EXOSC10: variants seen among roughly 807,000 people sequenced by gnomAD.
EXOSC10 encodes the protein exosome complex component 10.
Under a neutral mutation model 126.6 loss-of-function variants are expected in EXOSC10, and 94 were observed. That is an observed-to-expected ratio of 0.74 (90% CI 0.63 to 0.88). The LOEUF is 0.88. EXOSC10 is among the 40% of genes least tolerant of loss of function. The pLI, the probability that EXOSC10 is intolerant of heterozygous loss-of-function variation, is 0.00. For missense variants in EXOSC10, 1,041 were observed against 1,100.5 expected (o/e 0.95, Z 0.77); for synonymous variants, 395 against 400.8 (o/e 0.99, Z 0.17).
At chr1:11,078,041 G>A (rs1232722715) in intron 14 of EXOSC10, among the ~76,000 whole-genome samples, 1 of 152,130 alleles carries the variant, frequency 6.6e-6, no homozygotes, top group Non-Finnish European at 1.5e-5. Flanking sequence ...GGGAGGCTGA[G>A]GTGGGAGGAC....
chr1:11,094,295 CT>C lies in EXOSC10; in HGVS notation c.372+1462del, dbSNP rs148618446. On this transcript the variant is annotated intron_variant, in intron 3 of 24. Transcript: ENST00000376936. Reference sequence around the variant, plus strand: ...CCCTGGCCAGAATAAGGCACTTTAACTTTTTTTTTTTTTTTTGAGATGGCGT... The same window carrying C: ...CCCTGGCCAGAATAAGGCACTTTAACTTTTTTTTTTTTTTTGAGATGGCGT... 5.0e-3 allele frequency among the ~76,000 whole-genome samples: 706 copies of C among 139,956 alleles called. 2 individuals carry two copies. Among genetic ancestry groups the C allele is most frequent in the African/African-American group, 0.01 (394 of 38,364 alleles). The allele number at this position is 139,956 out of a possible 152,430, so 91.8% of individuals were successfully genotyped here.
At chr1:11,070,687 C>A (rs1203876302) in intron 21 of EXOSC10, 1 of 549,878 alleles carries the variant, frequency 1.8e-6, no homozygotes, top group Admixed American at 3.4e-5. Flanking sequence ...TTACCATAAA[C>A]ACAGTGGAAG....
Position 11,074,125 on chromosome 1 carries a change from A to C in EXOSC10, c.2082+106T>G, listed in dbSNP as rs573374278. 21 of 1,372,298 alleles carry C rather than the reference A, an allele frequency of 1.5e-5. No homozygotes were observed. The East Asian group carries it at 4.8e-4, about 31-fold the overall frequency. The allele number at this position is 1,372,298 out of a possible 1,614,324, so 85.0% of individuals were successfully genotyped here. The stretch of plus-strand genomic sequence containing the variant: ...TTGTCAGCGTCTTTGCCAGGACACC[A>C]GGGCAGCCGACACACTGGCTTCAGA... On this transcript the variant is annotated intron_variant, in intron 18 of 24. Transcript: ENST00000376936.
rs950948952 is a variant in EXOSC10 at position 11,070,838 on chromosome 1, G to T, written c.2316+62C>A. The T allele has an allele frequency of 2.8e-6, 4 of 1,443,020 alleles. No individual in the cohort carries two copies. In the Admixed American group the frequency reaches 5.3e-5, roughly 19 times the overall value. The allele number at this position is 1,443,020 out of a possible 1,614,324, so 89.4% of individuals were successfully genotyped here. A position where few individuals can be genotyped will look rare whatever the true frequency, so the allele number is the denominator to read the frequency against. ...CAAGCCCCCTAAGATATCCAAGGAA[G>T]ATCCTGACCACAAGCAGGGGCATCG... is the stretch of plus-strand genomic sequence containing the variant. On this transcript the variant is annotated intron_variant, in intron 21 of 24. Coordinates refer to ENST00000376936, the MANE Select transcript of EXOSC10 (RefSeq NM_001001998.3).
At position 11,099,779 on chromosome 1, in the gene EXOSC10, G is replaced by T; in HGVS notation, c.53C>A (p.Thr18Asn). ...CAGCACCATCTCTCCGTCGGATTTG[G>T]TTGCGCTGGTCGCCGACAGGACCCT... ...EPRVLSATSA[T>N]KSDGEMVLPG... Residue 18 changes from threonine (T) to asparagine (N), a missense_variant, in exon 1 of 25, where the codon ACC (threonine) becomes AAC (asparagine). Thr to Asn is a moderately conservative substitution (Grantham distance 65, BLOSUM62 0). This residue lies in a region of EXOSC10 where 645 missense variants were observed against 656.3 expected (regional missense o/e 0.98). Transcript: ENST00000376936. 1.9e-6 allele frequency: 3 copies of T among 1,612,286 alleles called. No individual in the cohort carries two copies. The highest frequency in any genetic ancestry group is 2.5e-6 in the Non-Finnish European group (3 of 1,179,172).
At chr1:11,080,588 ACACACACACACACACACG>A (rs1243286317) in intron 12 of EXOSC10, 39 bp from the exon 13 acceptor site, 10 of 1,603,274 alleles carry the variant, frequency 6.2e-6, no homozygotes, top group East Asian at 4.5e-5. Flanking sequence ...ACACACACAC[ACACACACACACACACACG>A]GTGGGGACAC....
chr1:11,077,335 C>T (rs372812090), intron 16 of EXOSC10, 30 bp downstream of exon 16: 55 of 1,596,200 alleles, frequency 3.4e-5, no homozygotes, highest in African/African-American at 3.1e-4. Context: ...CCAACCTCTT[C>T]GGGACAGTCA....
chr1:11,099,635 G>A, intron 1 of EXOSC10, 86 bp downstream of exon 1: 3 of 1,375,414 alleles, frequency 2.2e-6, no homozygotes, highest in Non-Finnish European at 1.9e-6. Flanking sequence ...CCACTACGGC[G>A]GGCGGGCATT....
intron 19 of EXOSC10, chr1:11,072,390 G>A (rs1233072050): frequency 4.2e-6 from 2 of 479,472 alleles, no homozygotes; most frequent in African/African-American, 3.9e-5. Flanking sequence ...CAGGCACTGG[G>A]CCATCCATCA....
intron 2 of EXOSC10, among the ~76,000 whole-genome samples, chr1:11,096,227 G>A (rs950161109): frequency 2.0e-5 from 3 of 148,988 alleles, no homozygotes; most frequent in Non-Finnish European, 4.4e-5. Context: ...GAAGTGATCT[G>A]CCTGCCTCCG....
intron 19 of EXOSC10, chr1:11,072,505 C>T: frequency 4.8e-6 from 1 of 209,118 alleles, no homozygotes; most frequent in Non-Finnish European, 9.8e-6. Context: ...GTCCAAGGGA[C>T]ATGGTCAGTA....
chr1:11,089,633 A>AAAAGAAAG (rs61290871), intron 6 of EXOSC10, among the ~76,000 whole-genome samples: 4 of 148,794 alleles, frequency 2.7e-5, no homozygotes, highest in Non-Finnish European at 4.4e-5. Flanking sequence ...AAAAAAAAAA[A>AAAAGAAAG]AAAGAAAGAA....
chr1:11,079,660 C>T (rs1355244534), intron 14 of EXOSC10, 51 bp downstream of exon 14: 4 of 1,495,772 alleles, frequency 2.7e-6, no homozygotes, highest in Middle Eastern at 2.0e-4. Context: ...TCCCAAAGTG[C>T]TGAGATTATA....
chr1:11,072,482 G>A, intron 19 of EXOSC10: 1 of 267,038 alleles, frequency 3.7e-6, no homozygotes, highest in South Asian at 5.1e-5. Context: ...GACTCCGGGA[G>A]AGTAAATAAC....
intron 1 of EXOSC10, 120 bp from the exon 2 acceptor site, chr1:11,098,276 T>C: frequency 8.1e-7 from 1 of 1,239,766 alleles, no homozygotes; most frequent in Non-Finnish European, 1.1e-6. Flanking sequence ...AAAGCACTCA[T>C]TTAGTGCCAA....
intron 14 of EXOSC10, among the ~76,000 whole-genome samples, chr1:11,078,013 CTG>C (rs973564254): frequency 1.3e-5 from 2 of 152,136 alleles, no homozygotes; most frequent in African/African-American, 4.8e-5. Flanking sequence ...TGGCTCACAA[CTG>C]TAATTCCAGT....
chr1:11,067,438 G>GAAGA (rs1553163916), intron 24 of EXOSC10, among the ~76,000 whole-genome samples: 1 of 129,608 alleles, frequency 7.7e-6, no homozygotes, highest in East Asian at 2.2e-4. Context: ...TCTCAAAGAA[G>GAAGA]AAAAAAAAAA....
At chr1:11,079,887 TAAG>T in intron 13 of EXOSC10, 65 bp from the exon 14 acceptor site, 1 of 1,288,132 alleles carries the variant, frequency 7.8e-7, no homozygotes, top group South Asian at 1.3e-5. Context: ...GGCTTCCAGA[TAAG>T]AATAATGACT....
At position 11,098,112 on chromosome 1, in the gene EXOSC10, G is replaced by A; in HGVS notation, c.156C>T (p.Gly52=). ...CATACTCATCGCCAAACTGTGGTAG[G>A]CCCCCAGATGCCTTGGTGACTGCCA... ...SVVAVTKASG[G]LPQFGDEYDF... The change falls in exon 2 of 25, where the codon GGC becomes GGT. Residue 52 remains glycine (G), a synonymous_variant. Transcript: ENST00000376936. 2 of 1,612,178 alleles carry A rather than the reference G, an allele frequency of 1.2e-6. No individual in the cohort carries two copies. The highest frequency in any genetic ancestry group is 1.7e-6 in the Non-Finnish European group (2 of 1,179,522).
Sources: gnomAD v4.1 joint callset for allele counts (sites outside exome capture counted in the v4.1 genomes callset) on GRCh38, gnomAD v4.1.1 for gene constraint, gnomAD v4.1.1 regional missense constraint, MANE v1.5 for transcripts, NCBI Gene and HGNC (gene_info 2026-07-23, HGNC 2026-07-21) for gene names.